The following DSP variants were observed in gnomAD, a reference collection of about 807,000 sequenced individuals.
DSP encodes 250/210 kDa paraneoplastic pemphigus antigen.
A neutral mutation model predicts 290.6 loss-of-function variants in DSP; 114 were observed. The ratio of observed to expected loss-of-function variants is 0.39; its 90% CI spans 0.34 to 0.46. The LOEUF (loss-of-function observed/expected upper bound fraction) is 0.46. Ranked by LOEUF, DSP falls within the 20% of genes least tolerant of loss-of-function variation. The pLI, the probability that DSP is intolerant of heterozygous loss-of-function variation, is 0.99. For synonymous variants in DSP, 1,311 were observed against 1,316.4 expected, an observed-to-expected ratio of 1.00 and a Z score of 0.09; for missense variants, 3,230 against 3,495.8, an observed-to-expected ratio of 0.92 and a Z score of 1.92.
At chr6:7,553,632 A>C (rs185220494) in intron 1 of DSP, among the ~76,000 whole-genome samples, 9 of 152,316 alleles carry the variant, frequency 5.9e-5, no homozygotes, top group Non-Finnish European at 1.3e-4. Flanking sequence ...GTCAGTTGGA[A>C]TTCTGCACAA....
Position 7,582,211 on chromosome 6 carries a change from T to C in DSP, c.5380-431T>C, listed in dbSNP as rs1233590914. ...TATAATTATATAATTACATAATATA[T>C]ATTTATCTATAATATATATTTTATA... On this transcript the variant is annotated intron_variant, in intron 23 of 23. Transcript: ENST00000379802. This position sits in a 1 kb window ranked among gnomAD's most constrained non-coding sequence, Gnocchi z 4.2. Among the ~76,000 whole-genome samples, 10 of 141,282 alleles carry C rather than the reference T, an allele frequency of 7.1e-5. No individual in the cohort carries two copies. The South Asian group carries it at 2.0e-3, about 28-fold the overall frequency. The allele number at this position is 141,282 out of a possible 152,430, so 92.7% of individuals were successfully genotyped here.
At chr6:7,546,495 A>G (rs940985911) in intron 1 of DSP, among the ~76,000 whole-genome samples, 1 of 152,214 alleles carries the variant, frequency 6.6e-6, no homozygotes, top group Non-Finnish European at 1.5e-5. Flanking sequence ...GCCTCATAAC[A>G]AACTTCCCAG....
In DSP at chr6:7,584,845, A is replaced by AT; in HGVS notation, c.7584dup (p.Asp2529Ter). The stretch of plus-strand genomic sequence containing the variant: ...GTAGATAGAAAGACAGGCAGTCAGT[A>AT]TGATATTCAAGATGCTATTGACAAG... On this transcript the variant is annotated frameshift_variant, in exon 24 of 24. Transcript: ENST00000379802. LOFTEE classifies it high-confidence loss of function. This position sits in a 1 kb window ranked among gnomAD's most constrained non-coding sequence, Gnocchi z 6.4. 1 of 1,614,218 alleles carries AT rather than the reference A, an allele frequency of 6.2e-7. No individual in the cohort carries two copies. Among genetic ancestry groups the AT allele is most frequent in the Non-Finnish European group, 8.5e-7 (1 of 1,180,040 alleles).
chr6:7,575,481 G>C lies in DSP; in HGVS notation c.2623G>C (p.Asp875His), dbSNP rs200338012. Residue 875 changes from aspartate (D) to histidine (H), a missense_variant, in exon 18 of 24, where the codon GAC (aspartate) becomes CAC (histidine). Asp to His is a moderately conservative substitution (Grantham distance 81, BLOSUM62 -1). Around this residue, in one of 5 missense-constraint regions of DSP, gnomAD observed 1,714 missense variants for 1,844.5 expected, o/e 0.93. Transcript: ENST00000379802. ...CTGGCAAAGGATAGATAAACAGATC[G>C]ACTTTAGGTATGCCAGCCTCCTCCC... ...DRWQRIDKQIDFRLWDLEKQI... is the reference protein window; with the variant it reads ...DRWQRIDKQIHFRLWDLEKQI... The C allele has an allele frequency of 1.2e-6, 2 of 1,614,118 alleles. No homozygotes were observed. The highest frequency in any genetic ancestry group is 1.7e-6 in the Non-Finnish European group (2 of 1,180,010).
chr6:7,571,767 T>C lies in DSP; in HGVS notation c.1904-75T>C, dbSNP rs201711602. 16 of 1,530,716 alleles carry C rather than the reference T, an allele frequency of 1.0e-5. No homozygotes were observed. The East Asian group carries it at 3.6e-4, about 34-fold the overall frequency. The allele number at this position is 1,530,716 out of a possible 1,614,324, so 94.8% of individuals were successfully genotyped here. A position where few individuals can be genotyped will look rare whatever the true frequency, so the allele number is the denominator to read the frequency against. On this transcript the variant is annotated intron_variant, in intron 14 of 23. Coordinates refer to ENST00000379802, the MANE Select transcript of DSP (RefSeq NM_004415.4). Reference sequence around the variant, plus strand: ...GAAGAAGGTATACTTTTAGGTAGTATGGATGTTTTTTGAGGCCTAGCACCT... The same window carrying C: ...GAAGAAGGTATACTTTTAGGTAGTACGGATGTTTTTTGAGGCCTAGCACCT...
Position 7,575,348 on chromosome 6 carries a change from A to T in DSP, c.2490A>T (p.Thr830=). ...AGTCGTTGTTGGCCACTATGAAGAC[A>T]GAACTACAGAAAGCCCAGCAGATCC... The part of the protein sequence containing the change: ...LKKSLLATMK[T]ELQKAQQIHS... Residue 830 remains threonine, a synonymous_variant, in exon 18 of 24, where the codon ACA becomes ACT. Transcript: ENST00000379802. 6.2e-7 allele frequency: 1 copy of T among 1,614,176 alleles called. No homozygotes were observed. Among genetic ancestry groups the T allele is most frequent in the South Asian group, 1.1e-5 (1 of 91,084 alleles).
At chr6:7,564,228 C>T (rs1358904) in intron 6 of DSP, among the ~76,000 whole-genome samples, 47,715 of 152,126 alleles carry the variant, frequency 0.31, 7,856 homozygotes, top group East Asian at 0.46. Flanking sequence ...GTCTTTTTTA[C>T]GAAGTGTAAG....
At chr6:7,573,706 G>C (rs996498605) in intron 15 of DSP, among the ~76,000 whole-genome samples, 1 of 152,108 alleles carries the variant, frequency 6.6e-6, no homozygotes, top group Non-Finnish European at 1.5e-5. Context: ...TAAATTCTAA[G>C]AAAAAAGTTG....
intron 1 of DSP, among the ~76,000 whole-genome samples, chr6:7,554,125 A>ACACACACACACACACACACCCC (rs772041102): frequency 9.7e-5 from 14 of 144,516 alleles, no homozygotes; most frequent in African/African-American, 2.4e-4. Context: ...ACACACACAC[A>ACACACACACACACACACACCCC]CCCAGTTGGT....
At position 7,565,979 on chromosome 6, in the gene DSP, T is replaced by C. The variant is rs1347195066; in HGVS notation, c.940-398T>C. Among the ~76,000 whole-genome samples the C allele has an allele frequency of 6.6e-6, 1 of 152,074 alleles. No individual in the cohort carries two copies. Among genetic ancestry groups the C allele is most frequent in the Non-Finnish European group, 1.5e-5 (1 of 67,990 alleles). On this transcript the variant is annotated intron_variant, in intron 7 of 23. Coordinates refer to ENST00000379802, the MANE Select transcript of DSP (RefSeq NM_004415.4). The surrounding 1 kb of genome is among the most constrained non-coding windows in gnomAD (Gnocchi z 4.2). Reference sequence around the variant, plus strand: ...TGCACATGTATCCCTGAACTTAAAATAAAAGTTAAAAAGAAAAAGAGGGGC... The same window carrying C: ...TGCACATGTATCCCTGAACTTAAAACAAAAGTTAAAAAGAAAAAGAGGGGC...
intron 4 of DSP, among the ~76,000 whole-genome samples, chr6:7,562,004 T>C (rs1388342665): frequency 6.6e-6 from 1 of 152,162 alleles, no homozygotes; most frequent in Non-Finnish European, 1.5e-5. Context: ...TTTAATTTTT[T>C]AAAAAAGGTA....
At chr6:7,567,637 T>A in intron 9 of DSP, 144 bp from the exon 10 acceptor site, 1 of 1,322,012 alleles carries the variant, frequency 7.6e-7, no homozygotes. Context: ...CGCTGCCACA[T>A]ACCTAAATAC....
Position 7,583,595 on chromosome 6 carries a change from C to T in DSP, c.6333C>T (p.Ile2111=). Reference sequence around the variant, plus strand: ...AGACAGTATCTGTTTCAGAAGCCATCAAGAAAAATTTGATTGATAGAGAAA... The same window carrying T: ...AGACAGTATCTGTTTCAGAAGCCATTAAGAAAAATTTGATTGATAGAGAAA... The part of the protein sequence containing the change: ...SGKTVSVSEA[I]KKNLIDRETG... Residue 2111 remains isoleucine (I), a synonymous_variant, in exon 24 of 24, where the codon ATC becomes ATT. Transcript: ENST00000379802. The surrounding 1 kb of genome is among the most constrained non-coding windows in gnomAD (Gnocchi z 4.0). The T allele has an allele frequency of 1.2e-6, 2 of 1,614,108 alleles. No individual in the cohort carries two copies. The highest frequency in any genetic ancestry group is 2.2e-5 in the South Asian group (2 of 91,078).
In DSP at chr6:7,583,473, A is replaced by G; in HGVS notation, c.6211A>G (p.Ser2071Gly). 3 of 1,614,238 alleles carry G rather than the reference A, an allele frequency of 1.9e-6. No individual in the cohort carries two copies. Among genetic ancestry groups the G allele is most frequent in the South Asian group, 1.1e-5 (1 of 91,086 alleles). The change falls in exon 24 of 24, where the codon AGT becomes GGT. Residue 2071 changes from serine to glycine, a missense_variant. By Grantham distance (56) the Ser-to-Gly change is moderately conservative. Around this residue, in one of 5 missense-constraint regions of DSP, gnomAD observed 1,714 missense variants for 1,844.5 expected, o/e 0.93. Transcript: ENST00000379802. The surrounding 1 kb of genome is among the most constrained non-coding windows in gnomAD (Gnocchi z 4.0). ...TCGGAATGAGAAGCTGACTGTCGAC[A>G]GTGCCATAGCTCGGGACCTCATTGA... The part of the protein sequence containing the change: ...PHRNEKLTVD[S>G]AIARDLIDFD...
chr6:7,567,326 T>G (rs1275870323), intron 8 of DSP, 28 bp from the exon 9 acceptor site: 1 of 1,596,882 alleles, frequency 6.3e-7, no homozygotes, highest in South Asian at 1.1e-5. Flanking sequence ...TGAGCTAGGC[T>G]AAGACAGCTG....
intron 18 of DSP, 71 bp from the exon 19 acceptor site, chr6:7,576,223 C>T (rs1416550022): frequency 6.5e-7 from 1 of 1,534,124 alleles, no homozygotes; most frequent in Non-Finnish European, 9.0e-7. Flanking sequence ...AAGTGAATTT[C>T]TGGGTGATTC....
chr6:7,571,347 A>G (rs373978368), intron 13 of DSP, 36 bp from the exon 14 acceptor site: 102 of 1,613,642 alleles, frequency 6.3e-5, no homozygotes, highest in Non-Finnish European at 7.6e-5. Flanking sequence ...TGGGGCAGTC[A>G]TAAATCCCAA....
At chr6:7,556,483 G>A (rs1410682027) in intron 2 of DSP, among the ~76,000 whole-genome samples, 2 of 152,138 alleles carry the variant, frequency 1.3e-5, no homozygotes, top group East Asian at 3.8e-4. Flanking sequence ...TGGTGGGGCC[G>A]TAGCCATCTT....
intron 1 of DSP, among the ~76,000 whole-genome samples, chr6:7,548,261 C>T (rs1758226142): frequency 6.6e-6 from 1 of 150,906 alleles, no homozygotes; most frequent in Admixed American, 6.6e-5. Context: ...AGCGAGACTC[C>T]GTGAAAAAAA....
Sources: gnomAD v4.1 joint callset for allele counts (sites outside exome capture counted in the v4.1 genomes callset) on GRCh38, gnomAD v4.1.1 for gene constraint, gnomAD v4.1.1 regional missense constraint, Gnocchi (gnomAD v3.1) non-coding constraint, MANE v1.5 for transcripts, NCBI Gene and HGNC (gene_info 2026-07-23, HGNC 2026-07-21) for gene names.